CLIC5: variants seen among roughly 807,000 people sequenced by gnomAD.
CLIC5 encodes CLIC family member 5, also known as chloride intracellular channel protein 5.
A neutral mutation model predicts 24.7 loss-of-function variants in CLIC5; 20 were observed. The ratio of observed to expected loss-of-function variants is 0.81; its 90% CI spans 0.57 to 1.18. The LOEUF is 1.18. CLIC5 is among the 50% of genes most tolerant of loss of function. The pLI, the probability that CLIC5 is intolerant of heterozygous loss-of-function variation, is 0.00. For missense variants in CLIC5, 341 were observed against 326.1 expected, an observed-to-expected ratio of 1.05 and a Z score of -0.35; for synonymous variants, 159 against 135.6, an observed-to-expected ratio of 1.17 and a Z score of -1.20.
the CLIC5 span, among the ~76,000 whole-genome samples, chr6:46,108,555 C>T: frequency 6.6e-6 from 1 of 152,072 alleles, no homozygotes; most frequent in Non-Finnish European, 1.5e-5. Flanking sequence ...CACCACCACA[C>T]TTGGCTGATT....
At chr6:45,926,244 T>TATA (rs1479166444) in intron 4 of CLIC5, among the ~76,000 whole-genome samples, 1,067 of 95,858 alleles carry the variant, frequency 0.011, 2 homozygotes, top group Non-Finnish European at 0.021. Flanking sequence ...TATATATATA[T>TATA]TTTATTTTTT....
chr6:45,888,215 C>T, intron 6 of CLIC5, among the ~76,000 whole-genome samples: 1 of 152,086 alleles, frequency 6.6e-6, no homozygotes, highest in East Asian at 1.9e-4. Flanking sequence ...CACACATGAG[C>T]CAAATGAGTG....
At chr6:45,920,561 G>T in intron 4 of CLIC5, 1 of 442,396 alleles carries the variant, frequency 2.3e-6, no homozygotes. Context: ...ATACAAAGAT[G>T]GCCACACTTG....
the CLIC5 span, among the ~76,000 whole-genome samples, chr6:46,112,142 T>C: frequency 1.3e-5 from 2 of 152,116 alleles, no homozygotes; most frequent in Non-Finnish European, 2.9e-5. Flanking sequence ...TTTGAGATGG[T>C]TGGTCAGAAA....
intron 1 of CLIC5, among the ~76,000 whole-genome samples, chr6:45,999,761 C>T: frequency 3.3e-5 from 2 of 61,282 alleles, no homozygotes; most frequent in East Asian, 7.2e-4. Flanking sequence ...TTTTTTGAGA[C>T]GGAGTCTCGC....
intron 1 of CLIC5, among the ~76,000 whole-genome samples, chr6:45,985,168 G>A (rs755406086): frequency 2.6e-5 from 4 of 152,198 alleles, no homozygotes; most frequent in African/African-American, 2.4e-5. Context: ...ACCTGTGGGA[G>A]AGAAGAAAGA....
the CLIC5 span, among the ~76,000 whole-genome samples, chr6:46,103,803 T>C: frequency 6.6e-6 from 1 of 152,204 alleles, no homozygotes. Flanking sequence ...CCTACTGTTT[T>C]GTTGCTGTGA....
chr6:46,070,901 G>C (rs1762577305), intron 1 of CLIC5, among the ~76,000 whole-genome samples: 1 of 151,980 alleles, frequency 6.6e-6, no homozygotes, highest in African/African-American at 2.4e-5. Flanking sequence ...GAACAGAATA[G>C]ACAGCCCCAA....
intron 1 of CLIC5, among the ~76,000 whole-genome samples, chr6:46,044,851 A>C (rs559429682): frequency 3.3e-5 from 5 of 152,310 alleles, no homozygotes; most frequent in African/African-American, 9.6e-5. Flanking sequence ...TCAAATTCAA[A>C]ATGTATCTTG....
At chr6:46,094,376 C>T in the CLIC5 span, among the ~76,000 whole-genome samples, 1 of 152,176 alleles carries the variant, frequency 6.6e-6, no homozygotes, top group Non-Finnish European at 1.5e-5. Flanking sequence ...TCCAAAGTCT[C>T]ATCTGAGACA....
intron 1 of CLIC5, among the ~76,000 whole-genome samples, chr6:46,046,567 C>T (rs554752291): frequency 6.6e-6 from 1 of 152,294 alleles, no homozygotes; most frequent in South Asian, 2.1e-4. Context: ...ACTTAAGAGA[C>T]CCCATCATTC....
At chr6:45,896,251 C>T (rs1252489951), downstream of CLIC5, among the ~76,000 whole-genome samples, 1 of 152,208 alleles carries the variant, frequency 6.6e-6, no homozygotes. Context: ...TTATTGGCTT[C>T]TTTCCATTAA....
At chr6:45,941,798 G>A in intron 3 of CLIC5, 145 bp from the exon 4 acceptor site, 1 of 695,548 alleles carries the variant, frequency 1.4e-6, no homozygotes, top group Non-Finnish European at 2.6e-6. Flanking sequence ...ATACTATAGG[G>A]AGGGTGGGCA....
chr6:46,025,190 C>T (rs1376758517), intron 1 of CLIC5, among the ~76,000 whole-genome samples: 1 of 152,066 alleles, frequency 6.6e-6, no homozygotes, highest in Non-Finnish European at 1.5e-5. Flanking sequence ...ACAAAGATAA[C>T]TATACTTTCC....
At chr6:45,949,162 T>C (rs897796575) in intron 3 of CLIC5, 94 bp downstream of exon 3, 82 of 1,478,078 alleles carry the variant, frequency 5.5e-5, no homozygotes, top group Non-Finnish European at 7.1e-5. Flanking sequence ...GAGGTTCCTT[T>C]GGAAATGCAT....
chr6:46,092,992 C>A, the CLIC5 span, among the ~76,000 whole-genome samples: 1 of 152,152 alleles, frequency 6.6e-6, no homozygotes, highest in Non-Finnish European at 1.5e-5. Flanking sequence ...ATCTTTGTCT[C>A]TTACCCCTCC....
chr6:45,986,095 C>T (rs1304494237), intron 1 of CLIC5, among the ~76,000 whole-genome samples: 1 of 152,188 alleles, frequency 6.6e-6, no homozygotes, highest in South Asian at 2.1e-4. Flanking sequence ...GATTGTGAGG[C>T]CTCCCCAGCC....
the CLIC5 span, among the ~76,000 whole-genome samples, chr6:46,126,657 A>G: frequency 6.6e-6 from 1 of 152,362 alleles, no homozygotes; most frequent in East Asian, 1.9e-4. Context: ...TGTTATATTT[A>G]AGATAAAATC....
chr6:45,888,792 T>A (rs1316767132), intron 6 of CLIC5, among the ~76,000 whole-genome samples: 1 of 152,232 alleles, frequency 6.6e-6, no homozygotes, highest in Non-Finnish European at 1.5e-5. Flanking sequence ...GGTCTTTGTT[T>A]TTACTTCTGA....
Sources: gnomAD v4.1 joint callset for allele counts (sites outside exome capture counted in the v4.1 genomes callset) on GRCh38, gnomAD v4.1.1 for gene constraint, MANE v1.5 for transcripts, NCBI Gene and HGNC (gene_info 2026-07-23, HGNC 2026-07-21) for gene names.